Variants in AGA observed in about 807,000 individuals in gnomAD.
The protein encoded by AGA is N(4)-(beta-N-acetylglucosaminyl)-L-asparaginase.
Under a neutral mutation model 40.1 loss-of-function variants are expected in AGA, and 31 were observed. The observed-to-expected ratio is 0.77, with a 90% CI of 0.58 to 1.04. AGA has a LOEUF of 1.04. AGA is among the 50% of genes least tolerant of loss of function. The pLI is 0.00. For synonymous variants in AGA, 148 were observed against 144.0 expected, an observed-to-expected ratio of 1.03 and a Z score of -0.20; for missense variants, 445 against 435.4, an observed-to-expected ratio of 1.02 and a Z score of -0.20.
Position 177,433,242 on chromosome 4 carries a change from A to G in AGA, c.912T>C (p.Val304=), listed in dbSNP as rs1003716012. The change falls in exon 8 of 9, where the codon GTT becomes GTC. Residue 304 remains valine, a synonymous_variant. Transcript: ENST00000264595. ...AACTTCCAGTCACATTGGCACATAT[A>G]ACAGCCCCAAAGAATTCTGGAAAAT... ...QKHFPEFFGA[V]ICANVTGSYG... is the part of the protein sequence containing the mutation. The G allele has an allele frequency of 6.2e-7, 1 of 1,614,132 alleles. No homozygotes were observed. Among genetic ancestry groups the G allele is most frequent in the Non-Finnish European group, 8.5e-7 (1 of 1,179,990 alleles).
In AGA at chr4:177,435,857, A is replaced by ATG. The variant is rs1560947718; in HGVS notation, c.698+418_698+419insCA. Among the ~76,000 whole-genome samples the ATG allele has an allele frequency of 2.0e-3, 296 of 149,546 alleles. 10 individuals carry two copies. The East Asian group carries it at 0.054, about 27-fold the overall frequency. On this transcript the variant is annotated intron_variant, in intron 6 of 8. Transcript: ENST00000264595. Reference sequence around the variant, plus strand: ...CCAGTAGTTCTGCGTGCACGCACACACACACACACACACACACCCCTTCTT... The same window carrying ATG: ...CCAGTAGTTCTGCGTGCACGCACACATGCACACACACACACACACCCCTTCTT...
chr4:177,433,092 G>T, intron 8 of AGA, 122 bp downstream of exon 8: 3 of 1,337,706 alleles, frequency 2.2e-6, no homozygotes, highest in Middle Eastern at 1.9e-4. Context: ...TTTACTCAAT[G>T]CCCACTTAAG....
intron 2 of AGA, 85 bp from the exon 3 acceptor site, chr4:177,439,773 T>TA (rs768712214): frequency 3.4e-5 from 35 of 1,019,552 alleles, no homozygotes; most frequent in Non-Finnish European, 5.1e-5. Flanking sequence ...CAATCAATAG[T>TA]GTTTTGCGGT....
At chr4:177,440,044 T>G in intron 2 of AGA, 2 of 604,256 alleles carry the variant, frequency 3.3e-6, no homozygotes, top group Non-Finnish European at 5.8e-6. Context: ...GTTTTTTAGC[T>G]TGGCATTCTC....
chr4:177,433,435 A>G (rs1358807725), intron 7 of AGA, 88 bp from the exon 8 acceptor site: 17 of 1,505,196 alleles, frequency 1.1e-5, no homozygotes, highest in Non-Finnish European at 1.6e-5. Flanking sequence ...TAAAACCACC[A>G]AAATTGCCAC....
At position 177,438,747 on chromosome 4, in the gene AGA, T is replaced by G; in HGVS notation, c.505A>C (p.Arg169=). ...TTTTAAATTAAATGTGTGCATACCC[T>G]CCAATAATTTGGCTGGCAATTCCGA... The part of the protein sequence containing the change: ...LARNCQPNYW[R]NVIPDPSKYC... Residue 169 remains arginine, a splice_region_variant and synonymous_variant, in exon 4 of 9, where the codon AGG becomes CGG. Transcript: ENST00000264595. 1 of 1,565,256 alleles carries G rather than the reference T, an allele frequency of 6.4e-7. No homozygotes were observed. Among genetic ancestry groups the G allele is most frequent in the Non-Finnish European group, 8.8e-7 (1 of 1,135,434 alleles).
At chr4:177,432,069 C>G (rs567062259) in intron 8 of AGA, among the ~76,000 whole-genome samples, 1 of 152,296 alleles carries the variant, frequency 6.6e-6, no homozygotes, top group African/African-American at 2.4e-5. Flanking sequence ...CACATGCTGT[C>G]ACTGCTACGA....
chr4:177,431,067 G>T lies in AGA; in HGVS notation c.*641C>A, dbSNP rs1453998498. ...AGCAGCTAAAACATCATTGATTCTT[G>T]TGGCTTTAGAACTTTCACACACTGA... On this transcript the variant is annotated 3_prime_UTR_variant, in exon 9 of 9. Transcript: ENST00000264595. The T allele has an allele frequency of 1.1e-5, 5 of 453,812 alleles. No individual in the cohort carries two copies. Among genetic ancestry groups the T allele is most frequent in the African/African-American group, 2.0e-5 (1 of 49,984 alleles). 28.1% of individuals were successfully genotyped at this position (453,812 alleles called of 1,614,324 possible). A position where few individuals can be genotyped will look rare whatever the true frequency, so the allele number is the denominator to read the frequency against.
At chr4:177,439,872 T>C (rs886290954) in intron 2 of AGA, among the ~76,000 whole-genome samples, 184 bp from the exon 3 acceptor site, 4 of 148,926 alleles carry the variant, frequency 2.7e-5, no homozygotes, top group Non-Finnish European at 6.0e-5. Flanking sequence ...GGAAAAAAAA[T>C]AGAAAATCAA....
In AGA at chr4:177,442,236, C is replaced by T. The variant is rs376430029; in HGVS notation, c.127+13G>A. On this transcript the variant is annotated intron_variant, in intron 1 of 8. Coordinates refer to ENST00000264595, the MANE Select transcript of AGA (RefSeq NM_000027.4). ...TCGCGGCGCAGCCGCCCGCCCAGGC[C>T]GCCAACCCGCACCTGCTTCGGTTGC... The T allele has an allele frequency of 1.4e-4, 228 of 1,613,194 alleles. No individual in the cohort carries two copies. The highest frequency in any genetic ancestry group is 1.9e-4 in the Non-Finnish European group (220 of 1,179,718).
At chr4:177,442,157 C>A (rs1737046300) in intron 1 of AGA, 92 bp downstream of exon 1, 4 of 1,565,880 alleles carry the variant, frequency 2.6e-6, no homozygotes, top group African/African-American at 2.7e-5. Context: ...CTCTTCCGTC[C>A]GCCCTGCCGG....
At chr4:177,433,088 C>T in intron 8 of AGA, 126 bp downstream of exon 8, 1 of 1,321,882 alleles carries the variant, frequency 7.6e-7, no homozygotes, top group African/African-American at 1.5e-5. Flanking sequence ...AACATTTACT[C>T]AATGCCCACT....
chr4:177,438,630 T>G, intron 4 of AGA, 115 bp downstream of exon 4: 5 of 753,882 alleles, frequency 6.6e-6, no homozygotes, highest in Non-Finnish European at 2.4e-6. Flanking sequence ...CTAGTTCTAA[T>G]GTACAGCCAG....
At chr4:177,433,381 A>C in intron 7 of AGA, 34 bp from the exon 8 acceptor site, 1 of 1,613,594 alleles carries the variant, frequency 6.2e-7, no homozygotes, top group Non-Finnish European at 8.5e-7. Context: ...TTAGTGTCTC[A>C]GAATAAATAC....
chr4:177,437,319 C>A, intron 5 of AGA, 86 bp downstream of exon 5: 1 of 939,200 alleles, frequency 1.1e-6, no homozygotes. Flanking sequence ...CAATCAAAAT[C>A]AACTTCTGGT....
chr4:177,431,475 T>C lies in AGA; in HGVS notation c.*233A>G, dbSNP rs1433053157. On this transcript the variant is annotated 3_prime_UTR_variant, in exon 9 of 9. Transcript: ENST00000264595. The stretch of plus-strand genomic sequence containing the variant: ...AAGTGTCACTTAAAACTTAAATATA[T>C]ACAAAATACAGCCACATACATATTC... 5.4e-6 allele frequency: 3 copies of C among 556,558 alleles called. No individual in the cohort carries two copies. The highest frequency in any genetic ancestry group is 6.5e-6 in the Non-Finnish European group (2 of 308,872). 34.5% of individuals were successfully genotyped at this position (556,558 alleles called of 1,614,324 possible).
chr4:177,431,322 C>A lies in AGA; in HGVS notation c.*386G>T. The A allele has an allele frequency of 2.2e-6, 1 of 447,670 alleles. No homozygotes were observed. Among genetic ancestry groups the A allele is most frequent in the Non-Finnish European group, 4.4e-6 (1 of 225,742 alleles). 27.7% of individuals were successfully genotyped at this position (447,670 alleles called of 1,614,324 possible). On this transcript the variant is annotated 3_prime_UTR_variant, in exon 9 of 9. Coordinates refer to ENST00000264595, the MANE Select transcript of AGA (RefSeq NM_000027.4). Reference sequence around the variant, plus strand: ...CATGCTGAGACTCTGCTGTTTTTTTCTTTGGGTCTAAAAAACTTGTATACT... The same window carrying A: ...CATGCTGAGACTCTGCTGTTTTTTTATTTGGGTCTAAAAAACTTGTATACT...
chr4:177,439,622 C>T lies in AGA; in HGVS notation c.348G>A (p.Arg116=), dbSNP rs2111019818. 1 of 1,613,500 alleles carries T rather than the reference C, an allele frequency of 6.2e-7. No individual in the cohort carries two copies. Among genetic ancestry groups the T allele is most frequent in the Non-Finnish European group, 8.5e-7 (1 of 1,179,636 alleles). Reference sequence around the variant, plus strand: ...TGTGTGTTGTATGTTCCAGTACTTTCCGTGCCACACCAATAGCATTTTTAA... The same window carrying T: ...TGTGTGTTGTATGTTCCAGTACTTTTCGTGCCACACCAATAGCATTTTTAA... ...RRIKNAIGVA[R]KVLEHTTHTL... Residue 116 remains arginine, a synonymous_variant, in exon 3 of 9, where the codon CGG becomes CGA. Transcript: ENST00000264595.
chr4:177,439,131 C>T (rs1736913687), intron 3 of AGA, among the ~76,000 whole-genome samples: 1 of 152,110 alleles, frequency 6.6e-6, no homozygotes, highest in Admixed American at 6.5e-5. Flanking sequence ...ACCTGTAATC[C>T]CAGCACTTTG....
Sources: gnomAD v4.1 joint callset for allele counts (sites outside exome capture counted in the v4.1 genomes callset) on GRCh38, gnomAD v4.1.1 for gene constraint, MANE v1.5 for transcripts, NCBI Gene and HGNC (gene_info 2026-07-23, HGNC 2026-07-21) for gene names.